The following MSL2 variants were observed in gnomAD, a reference collection of about 807,000 sequenced individuals.
MSL2 encodes MSL complex subunit 2, also known as E3 ubiquitin-protein ligase MSL2.
Under a neutral mutation model 35.8 loss-of-function variants are expected in MSL2, and 2 were observed. The ratio of observed to expected loss-of-function variants is 0.06; its 90% CI spans 0.02 to 0.18. MSL2 has a LOEUF of 0.18. Ranked by LOEUF, MSL2 falls within the 10% of genes least tolerant of loss-of-function variation. MSL2 has a pLI of 1.00. For synonymous variants in MSL2, 296 were observed against 255.7 expected (o/e 1.16, Z -1.50); for missense variants, 523 against 706.7 (o/e 0.74, Z 2.95).
At chr3:136,184,253 G>A (rs1041098302) in intron 1 of MSL2, among the ~76,000 whole-genome samples, 1 of 151,288 alleles carries the variant, frequency 6.6e-6, no homozygotes, top group African/African-American at 2.4e-5. Flanking sequence ...CCCAGATGGT[G>A]CCACTGCACT....
chr3:136,195,681 G>C lies in MSL2; in HGVS notation c.-568C>G, dbSNP rs963104971. 3 of 985,328 alleles carry C rather than the reference G, an allele frequency of 3.0e-6. No individual in the cohort carries two copies. Among genetic ancestry groups the C allele is most frequent in the Admixed American group, 6.1e-5 (1 of 16,264 alleles). 61.0% of individuals were successfully genotyped at this position (985,328 alleles called of 1,614,324 possible). A position where few individuals can be genotyped will look rare whatever the true frequency, so the allele number is the denominator to read the frequency against. On this transcript the variant is annotated 5_prime_UTR_variant, in exon 1 of 2. Coordinates refer to ENST00000309993, the MANE Select transcript of MSL2 (RefSeq NM_018133.4). ...TGCAAGACGCCGCGGCGGCGACGAA[G>C]GTTGATGTTGCGGCTGGCGGACGCC...
At chr3:136,154,341 G>C (rs1266712342) in intron 1 of MSL2, among the ~76,000 whole-genome samples, 1 of 152,038 alleles carries the variant, frequency 6.6e-6, no homozygotes, top group Admixed American at 6.6e-5. Flanking sequence ...GTATAATGAA[G>C]TAGTCCCCCG....
chr3:136,179,538 C>G (rs1270368697), intron 1 of MSL2, among the ~76,000 whole-genome samples: 1 of 152,150 alleles, frequency 6.6e-6, no homozygotes, highest in Non-Finnish European at 1.5e-5. Context: ...TAAGGAATCA[C>G]TAAAAATACT....
intron 1 of MSL2, among the ~76,000 whole-genome samples, chr3:136,187,806 T>C (rs1002260837): frequency 1.3e-5 from 2 of 152,134 alleles, no homozygotes; most frequent in Non-Finnish European, 2.9e-5. Flanking sequence ...CCAATCAAGA[T>C]AGGCAGTTAA....
At chr3:136,173,720 C>T (rs545194832) in intron 1 of MSL2, among the ~76,000 whole-genome samples, 1 of 152,208 alleles carries the variant, frequency 6.6e-6, no homozygotes, top group Non-Finnish European at 1.5e-5. Flanking sequence ...CTTTCTAAAA[C>T]ACAAGTCTGA....
At chr3:136,186,445 C>T (rs1940526779) in intron 1 of MSL2, among the ~76,000 whole-genome samples, 1 of 152,230 alleles carries the variant, frequency 6.6e-6, no homozygotes, top group South Asian at 2.1e-4. Context: ...CTGTTAGGAA[C>T]CAGGCTGCAC....
chr3:136,169,152 G>A (rs2108074383), intron 1 of MSL2, among the ~76,000 whole-genome samples: 1 of 137,964 alleles, frequency 7.2e-6, no homozygotes, highest in Non-Finnish European at 1.5e-5. Context: ...TTTTGTACAG[G>A]AATGTAGTCT....
intron 1 of MSL2, among the ~76,000 whole-genome samples, chr3:136,183,548 A>G (rs560152899): frequency 3.9e-5 from 6 of 152,274 alleles, no homozygotes; most frequent in East Asian, 1.9e-4. Context: ...CAGCCTCCCA[A>G]GGGTCTGTGA....
intron 1 of MSL2, among the ~76,000 whole-genome samples, chr3:136,180,918 GA>G (rs1171283496): frequency 1.9e-4 from 29 of 151,528 alleles, no homozygotes; most frequent in Admixed American, 1.9e-3. Context: ...CGGGGGAGCA[GA>G]GGAGGGTGGA....
chr3:136,187,710 T>C (rs530757601), intron 1 of MSL2, among the ~76,000 whole-genome samples: 1 of 152,242 alleles, frequency 6.6e-6, no homozygotes, highest in East Asian at 1.9e-4. Context: ...AATTAATATT[T>C]TCTAAAACAA....
At position 136,195,375 on chromosome 3, in the gene MSL2, CGACCACA is replaced by C; in HGVS notation, c.-269_-263del. ...AACCAGCGTTCGAGTTCGTCCGGAG[CGACCACA>C]GAGCGCAGAACGCGGCGGCTTGGGC... is the stretch of plus-strand genomic sequence containing the variant. On this transcript the variant is annotated 5_prime_UTR_variant, in exon 1 of 2. Coordinates refer to ENST00000309993, the MANE Select transcript of MSL2 (RefSeq NM_018133.4). 8.2e-7 allele frequency: 1 copy of C among 1,215,116 alleles called. No homozygotes were observed. Among genetic ancestry groups the C allele is most frequent in the South Asian group, 2.1e-5 (1 of 47,786 alleles). 75.3% of individuals were successfully genotyped at this position (1,215,116 alleles called of 1,614,324 possible).
At chr3:136,178,979 CTTTTTTTTTTT>C (rs763670751) in intron 1 of MSL2, among the ~76,000 whole-genome samples, 1 of 101,814 alleles carries the variant, frequency 9.8e-6, no homozygotes, top group Admixed American at 1.1e-4. Context: ...TGTTGGTTTT[CTTTTTTTTTTT>C]TTTTTTTTTT....
intron 1 of MSL2, among the ~76,000 whole-genome samples, chr3:136,158,029 C>G (rs1333969213): frequency 6.6e-6 from 1 of 152,174 alleles, no homozygotes; most frequent in Non-Finnish European, 1.5e-5. Context: ...AAAATACAAA[C>G]CGCCGGGAGC....
intron 1 of MSL2, among the ~76,000 whole-genome samples, chr3:136,154,334 T>C (rs1294820042): frequency 6.6e-6 from 1 of 152,140 alleles, no homozygotes; most frequent in African/African-American, 2.4e-5. Context: ...CAATACAGTA[T>C]AATGAAGTAG....
chr3:136,153,295 C>CT (rs1257904826), intron 1 of MSL2, among the ~76,000 whole-genome samples: 1 of 152,096 alleles, frequency 6.6e-6, no homozygotes, highest in African/African-American at 2.4e-5. Context: ...CTACAACATG[C>CT]TGAACAAAAT....
intron 1 of MSL2, among the ~76,000 whole-genome samples, chr3:136,175,057 G>C: frequency 6.6e-6 from 1 of 152,082 alleles, no homozygotes; most frequent in East Asian, 1.9e-4. Flanking sequence ...TGCTGAATTT[G>C]AGTCATGGCT....
At chr3:136,175,030 T>C in intron 1 of MSL2, among the ~76,000 whole-genome samples, 1 of 152,170 alleles carries the variant, frequency 6.6e-6, no homozygotes, top group Non-Finnish European at 1.5e-5. Context: ...ATTTCTCTTG[T>C]GGTATGAGAG....
Position 136,152,183 on chromosome 3 carries a change from T to C in MSL2, c.698A>G (p.Asp233Gly), listed in dbSNP as rs1335209103. ...TVDIKTEDLS[D>G]SLPPVCDTVA... ...TGTGTCACAAACGGGTGGCAGGCTGTCAGACAGATCCTCAGTTTTTATGTC... is the reference window on the plus strand; with the variant it reads ...TGTGTCACAAACGGGTGGCAGGCTGCCAGACAGATCCTCAGTTTTTATGTC... Residue 233 changes from aspartate to glycine, a missense_variant, in exon 2 of 2, where the codon GAC (aspartate) becomes GGC (glycine). This residue lies in a region of MSL2 where 361 missense variants were observed against 414.6 expected (regional missense o/e 0.87). Transcript: ENST00000309993. 1 of 1,614,178 alleles carries C rather than the reference T, an allele frequency of 6.2e-7. No individual in the cohort carries two copies. The highest frequency in any genetic ancestry group is 1.1e-5 in the South Asian group (1 of 91,088).
intron 1 of MSL2, among the ~76,000 whole-genome samples, chr3:136,154,686 C>T (rs1021147373): frequency 6.6e-6 from 1 of 152,118 alleles, no homozygotes; most frequent in African/African-American, 2.4e-5. Context: ...AATGAAAACA[C>T]CACATATCAA....
Sources: gnomAD v4.1 joint callset for allele counts (sites outside exome capture counted in the v4.1 genomes callset) on GRCh38, gnomAD v4.1.1 for gene constraint, gnomAD v4.1.1 regional missense constraint, MANE v1.5 for transcripts, NCBI Gene and HGNC (gene_info 2026-07-23, HGNC 2026-07-21) for gene names.